RAB5B: variants seen among roughly 807,000 people sequenced by gnomAD.
RAB5B encodes the protein RAB5B, member RAS oncogene family, also known as ras-related protein Rab-5B.
RAB5B carries 11 observed loss-of-function variants against 28.6 expected under a neutral mutation model. The ratio of observed to expected loss-of-function variants is 0.38; its 90% CI spans 0.24 to 0.64. RAB5B has a LOEUF of 0.64. RAB5B is among the 30% of genes least tolerant of loss of function. RAB5B has a pLI of 0.53. For synonymous variants in RAB5B, 93 were observed against 97.9 expected (o/e 0.95, Z 0.29); for missense variants, 169 against 265.6 (o/e 0.64, Z 2.53).
In RAB5B at chr12:55,994,391, C is replaced by G. The variant is rs530102109; in HGVS notation, c.*2179C>G. 3.1e-5 allele frequency: 4 copies of G among 127,508 alleles called. No homozygotes were observed. The highest frequency in any genetic ancestry group is 2.9e-4 in the East Asian group (1 of 3,496). 7.9% of individuals were successfully genotyped at this position (127,508 alleles called of 1,614,324 possible). On this transcript the variant is annotated 3_prime_UTR_variant, in exon 6 of 6. Coordinates refer to ENST00000360299, the MANE Select transcript of RAB5B (RefSeq NM_002868.4). The stretch of plus-strand genomic sequence containing the variant: ...ACTTCCCCAGGCTTCTCCCTCCCCC[C>G]ACCCCCATAGGAACAGGATTTGGCC...
At position 55,991,785 on chromosome 12, in the gene RAB5B, G is replaced by C. The variant is rs1592809016; in HGVS notation, c.533-312G>C. 7.5e-6 allele frequency: 3 copies of C among 400,676 alleles called. No homozygotes were observed. In the East Asian group the frequency reaches 1.7e-4, roughly 22 times the overall value. The allele number at this position is 400,676 out of a possible 1,614,324, so 24.8% of individuals were successfully genotyped here. On this transcript the variant is annotated intron_variant, in intron 5 of 5. Transcript: ENST00000360299. ...CTACTAAAAATACAAAAATTAGCTG[G>C]GCGTGGTGGCGCACACCTGTAGTCC...
intron 1 of RAB5B, chr12:55,980,525 A>G: frequency 6.3e-7 from 1 of 1,587,462 alleles, no homozygotes; most frequent in Non-Finnish European, 8.6e-7. Context: ...TGACTTGAGC[A>G]AGATGTCCCG....
chr12:55,975,932 A>G (rs528673555), intron 1 of RAB5B, among the ~76,000 whole-genome samples: 1 of 149,744 alleles, frequency 6.7e-6, no homozygotes, highest in East Asian at 2.0e-4. Context: ...TTGTATTTTT[A>G]GTAGAGACAG....
chr12:55,991,357 C>T lies in RAB5B; in HGVS notation c.439-3C>T. On this transcript the variant is annotated splice_region_variant and splice_polypyrimidine_tract_variant and intron_variant, in intron 4 of 5. Coordinates refer to ENST00000360299, the MANE Select transcript of RAB5B (RefSeq NM_002868.4). ...GAGCACTAATACATCCCACTCCTTG[C>T]AGGAGGCCCAGGCATATGCAGATGA... 2 of 1,611,500 alleles carry T rather than the reference C, an allele frequency of 1.2e-6. No individual in the cohort carries two copies. Among genetic ancestry groups the T allele is most frequent in the Non-Finnish European group, 1.7e-6 (2 of 1,177,732 alleles).
At chr12:55,984,375 A>G (rs926511615) in intron 1 of RAB5B, among the ~76,000 whole-genome samples, 1 of 152,044 alleles carries the variant, frequency 6.6e-6, no homozygotes, top group Non-Finnish European at 1.5e-5. Context: ...TTTTTAGTAG[A>G]GACGGGGTTT....
Position 55,993,390 on chromosome 12 carries a change from AAGCT to A in RAB5B, c.*1180_*1183del, listed in dbSNP as rs1186981870. 6.6e-6 allele frequency: 1 copy of A among 152,646 alleles called. No homozygotes were observed. Among genetic ancestry groups the A allele is most frequent in the Non-Finnish European group, 1.5e-5 (1 of 68,042 alleles). The allele number at this position is 152,646 out of a possible 1,614,324, so 9.5% of individuals were successfully genotyped here. On this transcript the variant is annotated 3_prime_UTR_variant, in exon 6 of 6. Transcript: ENST00000360299. The stretch of plus-strand genomic sequence containing the variant: ...CTAATTATTAACCTATATTCTTGCC[AAGCT>A]AACTATTGACTATAGGTTTGCCTTT...
At chr12:55,985,787 T>C (rs1592801498) in intron 1 of RAB5B, 1 of 454,464 alleles carries the variant, frequency 2.2e-6, no homozygotes, top group Non-Finnish European at 4.4e-6. Context: ...GTGTGGAGGG[T>C]AATCTAATCC....
At chr12:55,980,391 G>C (rs1889768385) in intron 1 of RAB5B, 3 of 1,521,866 alleles carry the variant, frequency 2.0e-6, no homozygotes, top group Non-Finnish European at 2.7e-6. Context: ...CTCAGGTTCA[G>C]CTTCCGGGGT....
intron 1 of RAB5B, among the ~76,000 whole-genome samples, chr12:55,974,496 A>G (rs775457944): frequency 2.6e-4 from 40 of 152,018 alleles, no homozygotes; most frequent in Non-Finnish European, 1.0e-4. Context: ...AGGTAAGCCC[A>G]TTTGCCGGGA....
intron 1 of RAB5B, among the ~76,000 whole-genome samples, chr12:55,982,049 A>G (rs1006496890): frequency 1.3e-5 from 2 of 151,880 alleles, no homozygotes; most frequent in Admixed American, 6.6e-5. Flanking sequence ...TGATCCGCCC[A>G]CCTCAGCCTC....
At chr12:55,980,485 C>T in intron 1 of RAB5B, 1 of 1,592,518 alleles carries the variant, frequency 6.3e-7, no homozygotes, top group East Asian at 2.2e-5. Context: ...TACTGGGAGG[C>T]TTGTTGCCGT....
At chr12:55,989,790 C>G (rs1890054563) in intron 2 of RAB5B, among the ~76,000 whole-genome samples, 157 bp from the exon 3 acceptor site, 1 of 152,202 alleles carries the variant, frequency 6.6e-6, no homozygotes, top group Non-Finnish European at 1.5e-5. Flanking sequence ...GGTTTCAAGA[C>G]TTACATGTAA....
chr12:55,985,974 A>C (rs1376468694), intron 1 of RAB5B, among the ~76,000 whole-genome samples: 1 of 152,186 alleles, frequency 6.6e-6, no homozygotes, highest in Non-Finnish European at 1.5e-5. Context: ...TTCAACCAAA[A>C]ATGAGAAAGG....
At chr12:55,991,175 TGGACATG>T in intron 4 of RAB5B, 178 bp from the exon 5 acceptor site, 2 of 576,516 alleles carry the variant, frequency 3.5e-6, no homozygotes, top group Non-Finnish European at 6.2e-6. Context: ...TTGGACTGAG[TGGACATG>T]GGGTCATCTT....
chr12:55,986,389 G>A (rs1889951978), intron 1 of RAB5B, among the ~76,000 whole-genome samples: 1 of 152,164 alleles, frequency 6.6e-6, no homozygotes, highest in Non-Finnish European at 1.5e-5. Flanking sequence ...AGAGGTTGTG[G>A]TGAGCCAAGA....
chr12:55,985,898 A>G (rs1480683473), intron 1 of RAB5B, among the ~76,000 whole-genome samples: 2 of 152,234 alleles, frequency 1.3e-5, no homozygotes, highest in African/African-American at 4.8e-5. Context: ...AAGTGAAAAA[A>G]GAGTTGTTAA....
chr12:55,988,492 C>G (rs1284453188), intron 2 of RAB5B, among the ~76,000 whole-genome samples: 2 of 152,030 alleles, frequency 1.3e-5, no homozygotes, highest in Non-Finnish European at 2.9e-5. Flanking sequence ...ATTCCTTCCC[C>G]TTGTTATTTT....
Position 55,986,957 on chromosome 12 carries a change from G to A in RAB5B, c.-4G>A, listed in dbSNP as rs1187017463. ...CCACCCTTTCCCATTCTGATAATCT[G>A]GCCATGACTAGCAGAAGCACAGCTA... On this transcript the variant is annotated 5_prime_UTR_variant, in exon 2 of 6. Transcript: ENST00000360299. 3.7e-6 allele frequency: 5 copies of A among 1,343,082 alleles called. No individual in the cohort carries two copies. The highest frequency in any genetic ancestry group is 4.9e-6 in the Non-Finnish European group (5 of 1,022,756). The allele number at this position is 1,343,082 out of a possible 1,614,324, so 83.2% of individuals were successfully genotyped here. A position where few individuals can be genotyped will look rare whatever the true frequency, so the allele number is the denominator to read the frequency against.
intron 2 of RAB5B, among the ~76,000 whole-genome samples, chr12:55,987,608 T>A (rs1399116116): frequency 6.6e-6 from 1 of 152,030 alleles, no homozygotes; most frequent in Non-Finnish European, 1.5e-5. Flanking sequence ...GATGGGCGGA[T>A]CACCTGAGGT....
Sources: allele counts gnomAD v4.1 joint callset (sites outside exome capture counted in the v4.1 genomes callset), GRCh38; gene constraint gnomAD v4.1.1; transcripts MANE v1.5; gene names NCBI Gene and HGNC (gene_info 2026-07-23, HGNC 2026-07-21).